FGD4: variants seen among roughly 807,000 people sequenced by gnomAD.
The protein encoded by FGD4 is FYVE, RhoGEF and PH domain-containing protein 4.
Under a neutral mutation model 102.0 loss-of-function variants are expected in FGD4, and 42 were observed. The observed-to-expected ratio is 0.41, with a 90% confidence interval of 0.32 to 0.53. The LOEUF (loss-of-function observed/expected upper bound fraction) is 0.53, where lower values mean the gene tolerates loss of function less well. Ranked by LOEUF, FGD4 falls within the 20% of genes least tolerant of loss-of-function variation. The pLI, the probability that FGD4 is intolerant of heterozygous loss-of-function variation, is 0.21. For synonymous variants in FGD4, 380 were observed against 375.7 expected (o/e 1.01, Z -0.13); for missense variants, 902 against 1,078.2 (o/e 0.84, Z 2.29).
At position 32,602,097 on chromosome 12, in the gene FGD4, A is replaced by G. The variant is rs1293515211; in HGVS notation, c.1248-64A>G. 1.3e-5 allele frequency: 20 copies of G among 1,482,552 alleles called. No individual in the cohort carries two copies. The South Asian group carries it at 2.1e-4, about 15-fold the overall frequency. 91.8% of individuals were successfully genotyped at this position (1,482,552 alleles called of 1,614,324 possible). On this transcript the variant is annotated intron_variant, in intron 6 of 16. Coordinates refer to ENST00000534526, the MANE Select transcript of FGD4 (RefSeq NM_001370298.3). ...GCCACTGCACTACAGTCTGGGTGAC[A>G]GAACAAGACCCTGTCTCAAAAAAAA...
At chr12:32,467,131 G>A (rs1056419155) in intron 1 of FGD4, among the ~76,000 whole-genome samples, 25 of 152,252 alleles carry the variant, frequency 1.6e-4, no homozygotes, top group African/African-American at 6.0e-4. Flanking sequence ...CAAATGCAAA[G>A]AATTTAGGAG....
chr12:32,624,804 CTG>C (rs1950051430), intron 12 of FGD4, 170 bp from the exon 13 acceptor site: 2 of 663,788 alleles, frequency 3.0e-6, no homozygotes. Context: ...AGTAACATCT[CTG>C]TGTATACAAA....
chr12:32,623,306 C>T (rs1481388144), intron 11 of FGD4, among the ~76,000 whole-genome samples: 1 of 151,924 alleles, frequency 6.6e-6, no homozygotes, highest in Non-Finnish European at 1.5e-5. Flanking sequence ...TCCAGGGCAA[C>T]AGAAATGTGG....
chr12:32,599,494 C>CAAAAAAAAAAAAAAAAAAAAAAAAAA (rs777429838), intron 5 of FGD4, among the ~76,000 whole-genome samples: 6 of 19,696 alleles, frequency 3.0e-4, no homozygotes, highest in Non-Finnish European at 3.5e-4. Context: ...GACTCCGTCT[C>CAAAAAAAAAAAAAAAAAAAAAAAAAA]AAAAAAAAAA....
chr12:32,525,101 G>A (rs1941004585), intron 1 of FGD4, among the ~76,000 whole-genome samples: 1 of 152,080 alleles, frequency 6.6e-6, no homozygotes, highest in African/African-American at 2.4e-5. Context: ...TACTCCCTAT[G>A]CCTCCCCACC....
intron 15 of FGD4, among the ~76,000 whole-genome samples, chr12:32,636,100 G>A (rs1309965096): frequency 6.7e-6 from 1 of 149,714 alleles, no homozygotes; most frequent in East Asian, 1.9e-4. Context: ...CACTTAATTG[G>A]AATCTGAAGT....
chr12:32,440,324 G>A (rs1189225884), intron 1 of FGD4, among the ~76,000 whole-genome samples: 5 of 152,224 alleles, frequency 3.3e-5, no homozygotes, highest in African/African-American at 1.2e-4. Flanking sequence ...AAAGGATGTG[G>A]CTGTTGTGAT....
At chr12:32,619,252 T>C (rs1949645895) in intron 10 of FGD4, among the ~76,000 whole-genome samples, 1 of 152,184 alleles carries the variant, frequency 6.6e-6, no homozygotes. Context: ...CCTCAGTGTT[T>C]TAGTAAATAA....
At chr12:32,552,784 CTT>C (rs71068325) in intron 1 of FGD4, among the ~76,000 whole-genome samples, 3 of 144,242 alleles carry the variant, frequency 2.1e-5, no homozygotes, top group Non-Finnish European at 1.5e-5. Flanking sequence ...TGGAGTGTAC[CTT>C]TTTTTTTTTT....
At chr12:32,504,702 C>T (rs1938535252) in intron 1 of FGD4, among the ~76,000 whole-genome samples, 1 of 152,148 alleles carries the variant, frequency 6.6e-6, no homozygotes, top group African/African-American at 2.4e-5. Context: ...TTGGTTATTT[C>T]ATGTAAAAGG....
chr12:32,518,118 A>G (rs10844226), intron 1 of FGD4, among the ~76,000 whole-genome samples: 37,080 of 152,138 alleles, frequency 0.24, 5,317 homozygotes, highest in Middle Eastern at 0.44. Flanking sequence ...AACATGTACA[A>G]GATTCTTGTG....
At chr12:32,579,132 C>T (rs766536764) in intron 3 of FGD4, among the ~76,000 whole-genome samples, 6 of 145,794 alleles carry the variant, frequency 4.1e-5, no homozygotes, top group African/African-American at 7.7e-5. Flanking sequence ...CCATGACCTC[C>T]GCCTCCCAGG....
At chr12:32,590,035 C>T (rs542586507) in intron 4 of FGD4, among the ~76,000 whole-genome samples, 3 of 152,202 alleles carry the variant, frequency 2.0e-5, no homozygotes, top group African/African-American at 4.8e-5. Context: ...ATGCCGGGCG[C>T]GGTGGCTTAT....
chr12:32,466,928 C>T (rs980589414), intron 1 of FGD4, among the ~76,000 whole-genome samples: 1 of 150,738 alleles, frequency 6.6e-6, no homozygotes, highest in Non-Finnish European at 1.5e-5. Context: ...GTGGTACAGG[C>T]AAGGCCTTTT....
intron 1 of FGD4, among the ~76,000 whole-genome samples, chr12:32,510,131 A>G (rs1208272551): frequency 6.6e-6 from 1 of 152,220 alleles, no homozygotes; most frequent in Non-Finnish European, 1.5e-5. Context: ...AATTTTAGAA[A>G]TCTACCACTA....
At chr12:32,430,167 G>A (rs896216812) in intron 1 of FGD4, among the ~76,000 whole-genome samples, 21 of 152,106 alleles carry the variant, frequency 1.4e-4, no homozygotes, top group African/African-American at 5.1e-4. Context: ...AATTAGCCGG[G>A]TGTGGTAGCA....
intron 1 of FGD4, among the ~76,000 whole-genome samples, chr12:32,448,845 A>C (rs906221416): frequency 6.6e-6 from 1 of 152,096 alleles, no homozygotes; most frequent in Non-Finnish European, 1.5e-5. Context: ...ACTGGGGAAA[A>C]CCAGAAACCA....
chr12:32,449,516 G>C (rs1385265158), intron 1 of FGD4, among the ~76,000 whole-genome samples: 1 of 152,186 alleles, frequency 6.6e-6, no homozygotes, highest in Non-Finnish European at 1.5e-5. Context: ...CCTTGTGATT[G>C]AATTCAGGTT....
chr12:32,511,904 C>G (rs776874684), intron 1 of FGD4: 6 of 151,942 alleles, frequency 3.9e-5, no homozygotes, highest in Non-Finnish European at 8.8e-5. Context: ...CAAATTTCCA[C>G]GAAGAGTAAG....
Sources: gnomAD v4.1 joint callset for allele counts (sites outside exome capture counted in the v4.1 genomes callset) on GRCh38, gnomAD v4.1.1 for gene constraint, MANE v1.5 for transcripts, NCBI Gene and HGNC (gene_info 2026-07-23, HGNC 2026-07-21) for gene names.